The following FHIT variants were observed in gnomAD, a reference collection of about 807,000 sequenced individuals.
FHIT encodes the protein fragile histidine triad diadenosine triphosphatase, also known as bis(5'-adenosyl)-triphosphatase.
A neutral mutation model predicts 17.9 loss-of-function variants in FHIT; 19 were observed. The ratio of observed to expected loss-of-function variants is 1.06; its 90% confidence interval spans 0.74 to 1.56. FHIT has a LOEUF of 1.56. Among genes scored for constraint, FHIT ranks in the 40% most tolerant of loss-of-function variants. The probability of loss-of-function intolerance (pLI) is 0.00; values close to 1 mark genes in which losing one functional copy is unlikely to be tolerated. For missense variants in FHIT, 248 were observed against 189.2 expected, an observed-to-expected ratio of 1.31 and a Z score of -1.82; for synonymous variants, 81 against 69.7, an observed-to-expected ratio of 1.16 and a Z score of -0.81.
intron 8 of FHIT, among the ~76,000 whole-genome samples, chr3:59,898,467 T>C (rs1704176075): frequency 6.7e-6 from 1 of 149,860 alleles, no homozygotes; most frequent in Non-Finnish European, 1.5e-5. Flanking sequence ...TGTGTGTGTG[T>C]GTGTGTGTAT....
At chr3:60,341,597 ATTT>A (rs377005811) in intron 5 of FHIT, among the ~76,000 whole-genome samples, 6 of 149,622 alleles carry the variant, frequency 4.0e-5, no homozygotes, top group Admixed American at 1.3e-4. Context: ...CTCCCTCTTG[ATTT>A]TTTTTTTAAT....
chr3:59,812,209 C>T (rs77524606), intron 8 of FHIT, among the ~76,000 whole-genome samples: 1 of 152,154 alleles, frequency 6.6e-6, no homozygotes, highest in Non-Finnish European at 1.5e-5. Context: ...TCTGGCCCCA[C>T]AGGATACTAG....
chr3:60,889,720 C>T (rs539480209), intron 3 of FHIT, among the ~76,000 whole-genome samples: 126 of 152,144 alleles, frequency 8.3e-4, no homozygotes, highest in African/African-American at 2.9e-3. Flanking sequence ...CCTCAATAGG[C>T]TCAAAATAAA....
chr3:61,143,610 A>G (rs2037146097), intron 2 of FHIT, among the ~76,000 whole-genome samples: 1 of 152,230 alleles, frequency 6.6e-6, no homozygotes, highest in Non-Finnish European at 1.5e-5. Context: ...TCACGCCTGT[A>G]ATCCCAACGC....
intron 8 of FHIT, among the ~76,000 whole-genome samples, chr3:59,769,843 C>T (rs1024643794): frequency 7.9e-5 from 12 of 151,768 alleles, no homozygotes; most frequent in South Asian, 2.1e-4. Flanking sequence ...ATGATTTACA[C>T]GGATTGAACT....
intron 8 of FHIT, among the ~76,000 whole-genome samples, chr3:59,889,503 GGTCTCT>G (rs1315273749): frequency 6.6e-6 from 1 of 152,142 alleles, no homozygotes; most frequent in Non-Finnish European, 1.5e-5. Context: ...CCCTTAGCAT[GGTCTCT>G]GACTCACTAG....
At chr3:60,300,885 A>T (rs1708434308) in intron 5 of FHIT, among the ~76,000 whole-genome samples, 1 of 151,706 alleles carries the variant, frequency 6.6e-6, no homozygotes, top group South Asian at 2.1e-4. Context: ...CATCTGCTTC[A>T]CTCCATCAGC....
At chr3:59,769,652 A>G (rs1446692720) in intron 8 of FHIT, among the ~76,000 whole-genome samples, 1 of 152,170 alleles carries the variant, frequency 6.6e-6, no homozygotes, top group Non-Finnish European at 1.5e-5. Context: ...ATACCATAGC[A>G]GTACACACGG....
At position 60,427,587 on chromosome 3, in the gene FHIT, C is replaced by T. The variant is rs138376056; in HGVS notation, c.103+109273G>A. 9.5e-3 allele frequency among the ~76,000 whole-genome samples: 1,445 copies of T among 152,190 alleles called. 12 individuals are homozygous for T. The highest frequency in any genetic ancestry group is 0.017 in the Middle Eastern group (5 of 294). ...CCCTCTGCCTTCCCTCTGTCTTTTC[C>T]TCTGGCTGTTTTTTCTTGATCCAAC... On this transcript the variant is annotated intron_variant, in intron 5 of 9. Coordinates refer to ENST00000492590, the MANE Select transcript of FHIT (RefSeq NM_002012.4).
chr3:60,885,895 T>C (rs1204275618), intron 3 of FHIT, among the ~76,000 whole-genome samples: 2 of 152,150 alleles, frequency 1.3e-5, no homozygotes, highest in Non-Finnish European at 2.9e-5. Context: ...TTTACAGTCT[T>C]AGGAATATCC....
chr3:60,718,882 C>T (rs2041746962), intron 4 of FHIT, among the ~76,000 whole-genome samples: 1 of 152,190 alleles, frequency 6.6e-6, no homozygotes, highest in South Asian at 2.1e-4. Context: ...AAGCATGCAG[C>T]ATTTTTCAAA....
intron 4 of FHIT, among the ~76,000 whole-genome samples, chr3:60,754,648 T>C (rs2042537454): frequency 6.6e-6 from 1 of 152,016 alleles, no homozygotes; most frequent in Non-Finnish European, 1.5e-5. Context: ...AAAAAAGTAC[T>C]GGCTCAACTA....
intron 3 of FHIT, among the ~76,000 whole-genome samples, chr3:61,010,856 T>C (rs957617358): frequency 6.6e-6 from 1 of 152,236 alleles, no homozygotes; most frequent in African/African-American, 2.4e-5. Context: ...TTCCATGTTT[T>C]ATAGAAAGTA....
At chr3:60,152,445 G>T (rs1274135906) in intron 5 of FHIT, among the ~76,000 whole-genome samples, 1 of 152,170 alleles carries the variant, frequency 6.6e-6, no homozygotes, top group Admixed American at 6.5e-5. Flanking sequence ...GGGAAAGCAG[G>T]CCGCAGCTAC....
Position 60,111,266 on chromosome 3 carries a change from G to C in FHIT, c.104-97114C>G, listed in dbSNP as rs74397956. The stretch of plus-strand genomic sequence containing the variant: ...TAAATTCACATATACCCGTATATAA[G>C]GATACAGTCCTGTATCTAAGGATAA... On this transcript the variant is annotated intron_variant, in intron 5 of 9. Coordinates refer to ENST00000492590, the MANE Select transcript of FHIT (RefSeq NM_002012.4). Among the ~76,000 whole-genome samples the C allele has an allele frequency of 4.3e-3, 657 of 152,290 alleles. 9 individuals carry two copies. The East Asian group carries it at 0.05, about 12-fold the overall frequency.
chr3:60,542,737 A>G (rs1202084195), intron 4 of FHIT, among the ~76,000 whole-genome samples: 6 of 152,224 alleles, frequency 3.9e-5, no homozygotes, highest in Non-Finnish European at 1.5e-5. Flanking sequence ...TCCATTGAAC[A>G]GAAATCATTC....
intron 5 of FHIT, among the ~76,000 whole-genome samples, chr3:60,120,960 T>C (rs1458941177): frequency 6.6e-6 from 1 of 152,194 alleles, no homozygotes; most frequent in Non-Finnish European, 1.5e-5. Context: ...CAATGAGTTT[T>C]AAAAGGCTTT....
intron 5 of FHIT, among the ~76,000 whole-genome samples, chr3:60,248,820 T>C (rs1016306923): frequency 6.6e-6 from 1 of 152,088 alleles, no homozygotes; most frequent in Non-Finnish European, 1.5e-5. Flanking sequence ...CCCTTTTTCT[T>C]CCCGAATGCA....
chr3:60,938,067 C>T (rs1339646188), intron 3 of FHIT, among the ~76,000 whole-genome samples: 4 of 152,156 alleles, frequency 2.6e-5, no homozygotes, highest in African/African-American at 7.2e-5. Flanking sequence ...ACAGAAAACT[C>T]CAGGAGAAAG....
Sources: gnomAD v4.1 joint callset for allele counts (sites outside exome capture counted in the v4.1 genomes callset) on GRCh38, gnomAD v4.1.1 for gene constraint, MANE v1.5 for transcripts, NCBI Gene and HGNC (gene_info 2026-07-23, HGNC 2026-07-21) for gene names.